PCDHA6: variants seen among roughly 807,000 people sequenced by gnomAD.
PCDHA6 encodes protocadherin alpha-6.
Under a neutral mutation model 60.3 loss-of-function variants are expected in PCDHA6, and 55 were observed. The ratio of observed to expected loss-of-function variants is 0.91; its 90% CI spans 0.73 to 1.14. The LOEUF (loss-of-function observed/expected upper bound fraction) is 1.14, where lower values mean the gene tolerates loss of function less well. Ranked by LOEUF, PCDHA6 falls within the 50% of genes most tolerant of loss-of-function variation. PCDHA6 has a pLI of 0.00. For missense variants in PCDHA6, 1,327 were observed against 1,256.5 expected, an observed-to-expected ratio of 1.06 and a Z score of -0.85; for synonymous variants, 652 against 557.9, an observed-to-expected ratio of 1.17 and a Z score of -2.38.
rs2150482959 is a variant in PCDHA6, at chr5:140,850,410, G to C, written c.2394+19925G>C. The C allele has an allele frequency of 5.8e-5, 93 of 1,597,818 alleles. 8 individuals carry two copies. The highest frequency in any genetic ancestry group is 7.6e-5 in the Non-Finnish European group (89 of 1,167,718). On this transcript the variant is annotated intron_variant, in intron 1 of 3. Coordinates refer to ENST00000529310, the MANE Select transcript of PCDHA6 (RefSeq NM_018909.4). ...GATCAGCACAACGCGTGCCCTGGAC[G>C]AAACGGACGCACCGCGCCAGCGCCT...
At chr5:140,938,415 T>A (rs1034279514) in intron 1 of PCDHA6, among the ~76,000 whole-genome samples, 6 of 152,190 alleles carry the variant, frequency 3.9e-5, no homozygotes, top group African/African-American at 1.4e-4. Context: ...TTGGGTTTAT[T>A]TGCAAAAATC....
At chr5:140,835,820 G>T (rs2150245687) in intron 1 of PCDHA6, 1 of 1,612,676 alleles carries the variant, frequency 6.2e-7, no homozygotes, top group South Asian at 1.1e-5. Flanking sequence ...CTGTGTCGGC[G>T]GGGGACGCGG....
intron 1 of PCDHA6, chr5:140,969,141 G>A: frequency 6.2e-7 from 1 of 1,614,158 alleles, no homozygotes; most frequent in South Asian, 1.1e-5. Flanking sequence ...AAGACCTACT[G>A]CTACAAGGCC....
intron 1 of PCDHA6, among the ~76,000 whole-genome samples, chr5:140,949,632 T>C (rs932981591): frequency 2.6e-5 from 4 of 151,894 alleles, no homozygotes; most frequent in Non-Finnish European, 5.9e-5. Flanking sequence ...TCATGGCATA[T>C]TGCTTTTTGT....
chr5:140,869,175 G>A, intron 1 of PCDHA6: 1 of 1,613,976 alleles, frequency 6.2e-7, no homozygotes, highest in East Asian at 2.2e-5. Context: ...TCGAATTCTG[G>A]GAGGTGGGGA....
chr5:140,860,664 A>T (rs1400061239), intron 1 of PCDHA6: 2 of 152,252 alleles, frequency 1.3e-5, no homozygotes, highest in Non-Finnish European at 2.9e-5. Context: ...AATAATATGA[A>T]ATCAAATGCA....
intron 1 of PCDHA6, chr5:140,842,226 T>G (rs2150332205): frequency 6.2e-7 from 1 of 1,612,936 alleles, no homozygotes; most frequent in Non-Finnish European, 8.5e-7. Context: ...ACGGGAGAAA[T>G]AGTGATTCGG....
chr5:140,849,189 G>C, intron 1 of PCDHA6: 1 of 1,056,674 alleles, frequency 9.5e-7, no homozygotes, highest in Non-Finnish European at 1.3e-6. Context: ...ACTCATCACG[G>C]TACTGGACAA....
At chr5:140,864,277 T>A (rs1203382304) in intron 1 of PCDHA6, 6 of 152,228 alleles carry the variant, frequency 3.9e-5, no homozygotes, top group South Asian at 2.1e-4. Context: ...CTCCATTCCT[T>A]ATTGTTTTTA....
chr5:140,851,112 C>A lies in PCDHA6; in HGVS notation c.2394+20627C>A. On this transcript the variant is annotated intron_variant, in intron 1 of 3. Coordinates refer to ENST00000529310, the MANE Select transcript of PCDHA6 (RefSeq NM_018909.4). ...AATAGATATTTTTTGGGTGCTGAAT[C>A]AATTTTATTTAAATTTGTGATTAAA... The A allele has an allele frequency of 5.4e-6, 7 of 1,301,380 alleles. 1 individual carries two copies. The highest frequency in any genetic ancestry group is 7.0e-6 in the Non-Finnish European group (7 of 1,004,338). 80.6% of individuals were successfully genotyped at this position (1,301,380 alleles called of 1,614,324 possible). A position where few individuals can be genotyped will look rare whatever the true frequency, so the allele number is the denominator to read the frequency against.
chr5:140,920,360 C>T (rs1049389066), intron 1 of PCDHA6, among the ~76,000 whole-genome samples: 2 of 151,950 alleles, frequency 1.3e-5, no homozygotes, highest in Non-Finnish European at 2.9e-5. Context: ...TAGTTCTATT[C>T]ATTTATTCTT....
chr5:140,875,157 A>T, intron 1 of PCDHA6: 1 of 333,552 alleles, frequency 3.0e-6, no homozygotes, highest in Non-Finnish European at 5.3e-6. Flanking sequence ...CGTGAAAAAT[A>T]ACCCAAAGTC....
Position 140,927,111 on chromosome 5 carries a change from C to T in PCDHA6, c.2395-51838C>T. Reference sequence around the variant, plus strand: ...ACTTCGGGGTGGATCTACCCAGCGGCAATTTGGTGGTCAGAGAGCCGGCGG... The same window carrying T: ...ACTTCGGGGTGGATCTACCCAGCGGTAATTTGGTGGTCAGAGAGCCGGCGG... On this transcript the variant is annotated intron_variant, in intron 1 of 3. Transcript: ENST00000529310. The T allele has an allele frequency of 3.7e-6, 6 of 1,613,856 alleles. No individual in the cohort carries two copies. In the Middle Eastern group the frequency reaches 8.3e-4, roughly 222 times the overall value.
chr5:140,955,036 T>C (rs2095128891), intron 1 of PCDHA6, among the ~76,000 whole-genome samples: 1 of 152,210 alleles, frequency 6.6e-6, no homozygotes, highest in Non-Finnish European at 1.5e-5. Context: ...AGGGAATCTT[T>C]TCCTCATTGC....
rs782092268 is a variant in PCDHA6, at chr5:140,828,452, G to T, written c.361G>T (p.Val121Leu). The change falls in exon 1 of 4, where the codon GTG (valine) becomes TTG (leucine). Residue 121 changes from valine to leucine, a missense_variant. Val to Leu is a conservative substitution (Grantham distance 32, BLOSUM62 1). Coordinates refer to ENST00000529310, the MANE Select transcript of PCDHA6 (RefSeq NM_018909.4). ...GCCGCTGCAGGTTTTCCATGTGGAC[G>T]TGGAGGTGAGGGACATTAACGACAA... is the stretch of plus-strand genomic sequence containing the variant. Reference protein sequence around the residue: ...DRPLQVFHVDVEVRDINDNPP... With the variant: ...DRPLQVFHVDLEVRDINDNPP... 6.2e-7 allele frequency: 1 copy of T among 1,614,284 alleles called. No individual in the cohort carries two copies. The highest frequency in any genetic ancestry group is 1.6e-4 in the Middle Eastern group (1 of 6,062).
rs2150171256 is a variant in PCDHA6, at chr5:140,829,613, A to G, written c.1522A>G (p.Ile508Val). The change falls in exon 1 of 4, where the codon ATT becomes GTT. Residue 508 changes from isoleucine (I) to valine (V), a missense_variant. Ile to Val is a conservative substitution (Grantham distance 29, BLOSUM62 3). Coordinates refer to ENST00000529310, the MANE Select transcript of PCDHA6 (RefSeq NM_018909.4). ...RVGERALSSY[I>V]SVHAESGKVY... ...GGGCGAGCGCGCGTTGTCGAGCTAC[A>G]TTTCGGTGCACGCGGAGAGCGGCAA... 4.3e-6 allele frequency: 7 copies of G among 1,611,960 alleles called. No homozygotes were observed. The highest frequency in any genetic ancestry group is 2.1e-4 in the Middle Eastern group (1 of 4,834).
intron 1 of PCDHA6, chr5:140,835,083 GACA>G: frequency 1.1e-5 from 14 of 1,222,014 alleles, no homozygotes; most frequent in Non-Finnish European, 1.6e-5. Context: ...CACGGTACTG[GACA>G]ACAATGACAA....
intron 1 of PCDHA6, among the ~76,000 whole-genome samples, chr5:140,976,377 C>T (rs1472568038): frequency 2.0e-5 from 3 of 151,896 alleles, no homozygotes; most frequent in Admixed American, 6.6e-5. Flanking sequence ...ATGGTGAAAC[C>T]CCATCTCTAC....
intron 1 of PCDHA6, among the ~76,000 whole-genome samples, chr5:140,952,315 G>T (rs2094717881): frequency 6.8e-6 from 1 of 147,138 alleles, no homozygotes; most frequent in Non-Finnish European, 1.5e-5. Context: ...TCCAGCCTGG[G>T]CAACAAGAGT....
Sources: allele counts gnomAD v4.1 joint callset (sites outside exome capture counted in the v4.1 genomes callset), GRCh38; gene constraint gnomAD v4.1.1; transcripts MANE v1.5; gene names NCBI Gene and HGNC (gene_info 2026-07-23, HGNC 2026-07-21).